HERC3: variants seen among roughly 807,000 people sequenced by gnomAD.
HERC3 encodes the protein HECT and RLD domain containing E3 ubiquitin protein ligase 3, also known as probable E3 ubiquitin-protein ligase HERC3.
HERC3 carries 58 observed loss-of-function variants against 129.9 expected under a neutral mutation model. The ratio of observed to expected loss-of-function variants is 0.45; its 90% CI spans 0.36 to 0.56. HERC3 has a LOEUF of 0.56. Ranked by LOEUF, HERC3 falls within the 20% of genes least tolerant of loss-of-function variation. HERC3 has a pLI of 0.00. For missense variants in HERC3, 835 were observed against 1,244.2 expected (o/e 0.67, Z 4.95); for synonymous variants, 430 against 451.0 (o/e 0.95, Z 0.59).
chr4:88,558,085 AAAAAAAAAAAG>A, the HERC3 span, among the ~76,000 whole-genome samples: 1 of 150,828 alleles, frequency 6.6e-6, no homozygotes, highest in Non-Finnish European at 1.5e-5. Flanking sequence ...AAAAAAAAAA[AAAAAAAAAAAG>A]AAAAAAAGAA....
intron 10 of HERC3, among the ~76,000 whole-genome samples, chr4:88,659,656 A>G (rs1274935844): frequency 6.6e-6 from 1 of 152,210 alleles, no homozygotes; most frequent in Non-Finnish European, 1.5e-5. Flanking sequence ...TGTTTCTTCA[A>G]GATGTCAATA....
chr4:88,697,874 T>A, intron 23 of HERC3: 1 of 1,392,644 alleles, frequency 7.2e-7, no homozygotes, highest in Non-Finnish European at 9.6e-7. Context: ...GGGAATGACG[T>A]TGGCCGCGGC....
At chr4:88,536,468 C>G in the HERC3 span, among the ~76,000 whole-genome samples, 9 of 152,190 alleles carry the variant, frequency 5.9e-5, no homozygotes, top group Admixed American at 3.3e-4. Context: ...TACTCACTCA[C>G]TCACTCACTC....
At chr4:88,597,129 C>T (rs951237253) in intron 2 of HERC3, among the ~76,000 whole-genome samples, 15 of 152,086 alleles carry the variant, frequency 9.9e-5, no homozygotes, top group African/African-American at 3.6e-4. Context: ...CATTCTTATA[C>T]GTGTATCTTG....
chr4:88,593,929 A>G (rs528435533), intron 1 of HERC3, among the ~76,000 whole-genome samples: 50 of 152,362 alleles, frequency 3.3e-4, no homozygotes, highest in African/African-American at 1.2e-3. Flanking sequence ...AGCAAAGTAC[A>G]TGGATTGCAT....
Position 88,655,178 on chromosome 4 carries a change from G to T in HERC3, c.782G>T (p.Gly261Val), listed in dbSNP as rs780007859. 6.2e-7 allele frequency: 1 copy of T among 1,613,814 alleles called. No individual in the cohort carries two copies. The highest frequency in any genetic ancestry group is 8.5e-7 in the Non-Finnish European group (1 of 1,179,778). ...EEHTAVLTKSGGVFTFGAGSC... is the reference protein window; with the variant it reads ...EEHTAVLTKSVGVFTFGAGSC... ...ATGGTGTTTGTTCCTTGTTAGAGTG[G>T]AGGTGTGTTTACCTTTGGCGCTGGT... Residue 261 changes from glycine (G) to valine (V), a missense_variant, in exon 8 of 26, where the codon GGA becomes GTA. Gly to Val is a moderately radical substitution (Grantham distance 109). Transcript: ENST00000402738.
chr4:88,525,848 A>G, the HERC3 span, among the ~76,000 whole-genome samples: 2 of 152,216 alleles, frequency 1.3e-5, no homozygotes, highest in African/African-American at 4.8e-5. Context: ...ATAGGATAGG[A>G]TCATGGGACT....
the HERC3 span, among the ~76,000 whole-genome samples, chr4:88,573,700 A>G: frequency 2.6e-5 from 4 of 152,214 alleles, no homozygotes; most frequent in Non-Finnish European, 5.9e-5. Context: ...CAGCAGAAAG[A>G]GTAAAAAGAA....
At chr4:88,642,121 ACT>A (rs1466703134) in intron 3 of HERC3, among the ~76,000 whole-genome samples, 5 of 131,892 alleles carry the variant, frequency 3.8e-5, no homozygotes, top group Admixed American at 1.6e-4. Flanking sequence ...ACAGAGCGAG[ACT>A]CTGTCTCAAA....
chr4:88,598,943 G>C (rs929074064), intron 2 of HERC3, among the ~76,000 whole-genome samples: 1 of 152,182 alleles, frequency 6.6e-6, no homozygotes, highest in South Asian at 2.1e-4. Flanking sequence ...GCCAAGCGGG[G>C]CTGGTGTAGG....
chr4:88,596,923 G>A (rs903291935), intron 2 of HERC3, among the ~76,000 whole-genome samples: 1 of 152,106 alleles, frequency 6.6e-6, no homozygotes, highest in Non-Finnish European at 1.5e-5. Flanking sequence ...TTTGAATTTT[G>A]TAAAAATGCA....
intron 3 of HERC3, among the ~76,000 whole-genome samples, chr4:88,633,857 CATTT>C (rs1366028757): frequency 2.6e-5 from 4 of 152,060 alleles, no homozygotes; most frequent in African/African-American, 9.7e-5. Context: ...TCATAATTAA[CATTT>C]AGTGAGTAAA....
the HERC3 span, among the ~76,000 whole-genome samples, chr4:88,574,223 G>C: frequency 2.0e-5 from 3 of 152,206 alleles, no homozygotes; most frequent in East Asian, 3.8e-4. Flanking sequence ...ACGAAGAAGG[G>C]ACAAGGATAG....
At chr4:88,661,207 C>A (rs1730457708) in intron 10 of HERC3, among the ~76,000 whole-genome samples, 1 of 152,164 alleles carries the variant, frequency 6.6e-6, no homozygotes, top group Non-Finnish European at 1.5e-5. Context: ...GGTGGAAAGA[C>A]AATCTCTGTG....
the HERC3 span, among the ~76,000 whole-genome samples, chr4:88,564,048 G>T: frequency 6.6e-6 from 1 of 152,156 alleles, no homozygotes; most frequent in Non-Finnish European, 1.5e-5. Context: ...TGAAATGATT[G>T]TATGGTTTTT....
intron 3 of HERC3, among the ~76,000 whole-genome samples, chr4:88,619,278 T>G (rs1383431059): frequency 6.6e-6 from 1 of 152,238 alleles, no homozygotes; most frequent in Non-Finnish European, 1.5e-5. Flanking sequence ...ACTAGGACAC[T>G]TTGACTTATT....
intron 3 of HERC3, among the ~76,000 whole-genome samples, chr4:88,642,015 C>T (rs565989828): frequency 6.6e-6 from 1 of 151,294 alleles, no homozygotes; most frequent in African/African-American, 2.4e-5. Flanking sequence ...CCTGTAATCT[C>T]TGCTACTCGG....
At chr4:88,546,272 C>T in the HERC3 span, among the ~76,000 whole-genome samples, 1 of 152,222 alleles carries the variant, frequency 6.6e-6, no homozygotes, top group Non-Finnish European at 1.5e-5. Context: ...TGCTGGTTAC[C>T]TTGGCAGAAG....
intron 21 of HERC3, among the ~76,000 whole-genome samples, chr4:88,682,816 A>G (rs1732950367): frequency 6.6e-6 from 1 of 152,026 alleles, no homozygotes; most frequent in African/African-American, 2.4e-5. Context: ...AGCATGATTT[A>G]TAATCCTTTG....
Sources: gnomAD v4.1 joint callset for allele counts (sites outside exome capture counted in the v4.1 genomes callset) on GRCh38, gnomAD v4.1.1 for gene constraint, MANE v1.5 for transcripts, NCBI Gene and HGNC (gene_info 2026-07-23, HGNC 2026-07-21) for gene names.